KANK1: variants seen among roughly 807,000 people sequenced by gnomAD.
KANK1 encodes the protein KN motif and ankyrin repeat domains 1.
KANK1 carries 109 observed loss-of-function variants against 106.2 expected under a neutral mutation model. The ratio of observed to expected loss-of-function variants is 1.03; its 90% CI spans 0.88 to 1.20. KANK1 has a LOEUF of 1.20. Ranked by LOEUF, KANK1 falls within the 50% of genes most tolerant of loss-of-function variation. The pLI, the probability that KANK1 is intolerant of heterozygous loss-of-function variation, is 0.00. For synonymous variants in KANK1, 873 were observed against 652.2 expected (o/e 1.34, Z -5.16); for missense variants, 2,399 against 1,710.7 (o/e 1.40, Z -7.10).
chr9:560,539 A>G (rs1310897288), intron 1 of KANK1, among the ~76,000 whole-genome samples: 1 of 152,222 alleles, frequency 6.6e-6, no homozygotes, highest in Non-Finnish European at 1.5e-5. Flanking sequence ...CAGGAGCGAA[A>G]TGTCTTTGAA....
At chr9:715,108 T>C (rs1428269402) in intron 3 of KANK1, among the ~76,000 whole-genome samples, 6 of 152,340 alleles carry the variant, frequency 3.9e-5, no homozygotes, top group Admixed American at 3.9e-4. Flanking sequence ...TTGTTAGTTT[T>C]CAGTATCTGT....
At chr9:631,914 G>A (rs1835841021) in intron 1 of KANK1, among the ~76,000 whole-genome samples, 1 of 152,120 alleles carries the variant, frequency 6.6e-6, no homozygotes, top group Admixed American at 6.5e-5. Context: ...ATCTACCGCT[G>A]TGGCTCTATA....
rs531743772 is a variant in KANK1 at position 603,930 on chromosome 9, G to C, written c.-83-72960G>C. Among the ~76,000 whole-genome samples, 71 of 141,984 alleles carry C rather than the reference G, an allele frequency of 5.0e-4. 1 individual carries two copies. In the East Asian group the frequency reaches 0.014, roughly 27 times the overall value. 93.1% of individuals were successfully genotyped at this position (141,984 alleles called of 152,430 possible). ...GCCAAGATCACGTCACTGTATTCCA[G>C]CTTGGGTGACAGAGCAAGACTCTGT... is the stretch of plus-strand genomic sequence containing the variant. On this transcript the variant is annotated intron_variant, in intron 1 of 11. Coordinates refer to ENST00000382297, the MANE Select transcript of KANK1 (RefSeq NM_015158.5).
In KANK1 at chr9:506,547, T is replaced by TGC. The variant is rs1332906409; in HGVS notation, c.-84+1795_-84+1796dup. ...TTCTGGGTGTGTGTGTGTGTGTGTG[T>TGC]GCGTGTGCGTGCGCGCTCGGCAGGG... On this transcript the variant is annotated intron_variant, in intron 1 of 11. Coordinates refer to ENST00000382297, the MANE Select transcript of KANK1 (RefSeq NM_015158.5). 2.7e-4 allele frequency among the ~76,000 whole-genome samples: 41 copies of TGC among 152,026 alleles called. No individual in the cohort carries two copies. The Middle Eastern group carries it at 0.014, about 50-fold the overall frequency.
At chr9:729,868 G>A (rs758872028) in intron 3 of KANK1, among the ~76,000 whole-genome samples, 183 bp from the exon 4 acceptor site, 1 of 152,178 alleles carries the variant, frequency 6.6e-6, no homozygotes, top group African/African-American at 2.4e-5. Context: ...TTAGAATGAC[G>A]AGGCCCGGCA....
At chr9:647,585 A>C (rs1040817880) in intron 1 of KANK1, among the ~76,000 whole-genome samples, 2 of 150,652 alleles carry the variant, frequency 1.3e-5, no homozygotes, top group African/African-American at 5.0e-5. Context: ...CTTTGCCTTA[A>C]GGGGAGTGGT....
At chr9:488,697 G>A (rs2058332518) in intron 3 of KANK1, among the ~76,000 whole-genome samples, 1 of 152,196 alleles carries the variant, frequency 6.6e-6, no homozygotes, top group Admixed American at 6.5e-5. Flanking sequence ...AGAGTCAAGT[G>A]TCAATAATGA....
intron 3 of KANK1, among the ~76,000 whole-genome samples, chr9:721,548 T>C (rs187402091): frequency 3.3e-5 from 5 of 152,310 alleles, no homozygotes; most frequent in Admixed American, 3.3e-4. Context: ...TTGGTAGAAA[T>C]AGAAAACCAG....
intron 1 of KANK1, among the ~76,000 whole-genome samples, chr9:617,415 C>G (rs758378403): frequency 6.6e-6 from 1 of 152,128 alleles, no homozygotes; most frequent in Admixed American, 6.6e-5. Flanking sequence ...CTTATTTTCT[C>G]AAAAATGTTA....
intron 8 of KANK1, among the ~76,000 whole-genome samples, 163 bp from the exon 9 acceptor site, chr9:740,629 A>G (rs1835177011): frequency 6.6e-6 from 1 of 152,186 alleles, no homozygotes; most frequent in Non-Finnish European, 1.5e-5. Flanking sequence ...TTGGTTTAGT[A>G]TGAAAACATC....
Position 712,668 on chromosome 9 carries a change from T to G in KANK1, c.1902T>G (p.Ser634=). Residue 634 remains serine, a synonymous_variant, in exon 3 of 12, where the codon TCT becomes TCG. Coordinates refer to ENST00000382297, the MANE Select transcript of KANK1 (RefSeq NM_015158.5). The part of the protein sequence containing the change: ...EVRSIGCGDC[S]VDVTVCSPKE... ...GGTCTATCGGTTGTGGAGATTGTTC[T>G]GTTGACGTGACCGTCTGCTCTCCAA... The G allele has an allele frequency of 1.9e-6, 3 of 1,614,180 alleles. No homozygotes were observed. Among genetic ancestry groups the G allele is most frequent in the Non-Finnish European group, 2.5e-6 (3 of 1,180,028 alleles).
At chr9:623,743 A>G (rs1247315873) in intron 1 of KANK1, among the ~76,000 whole-genome samples, 3 of 152,218 alleles carry the variant, frequency 2.0e-5, no homozygotes, top group African/African-American at 7.2e-5. Flanking sequence ...ACAAAATATA[A>G]CAAGTTTTGA....
At chr9:698,383 G>A (rs144442357) in intron 2 of KANK1, among the ~76,000 whole-genome samples, 13 of 152,184 alleles carry the variant, frequency 8.5e-5, no homozygotes, top group African/African-American at 2.4e-4. Flanking sequence ...TGCCATATCC[G>A]TCCTTCCCAG....
intron 1 of KANK1, among the ~76,000 whole-genome samples, chr9:592,390 C>G (rs537221373): frequency 6.6e-6 from 1 of 151,988 alleles, no homozygotes; most frequent in East Asian, 1.9e-4. Context: ...GACTCAAAGA[C>G]TTTGTCATTA....
intron 1 of KANK1, among the ~76,000 whole-genome samples, chr9:635,419 CA>C (rs1836854085): frequency 6.6e-6 from 1 of 152,184 alleles, no homozygotes; most frequent in African/African-American, 2.4e-5. Flanking sequence ...TCTATTCCTT[CA>C]TGTGCTTCGT....
intron 1 of KANK1, among the ~76,000 whole-genome samples, chr9:512,348 G>A (rs1445706984): frequency 6.6e-6 from 1 of 152,140 alleles, no homozygotes; most frequent in East Asian, 1.9e-4. Context: ...GCCAACAGAT[G>A]GAGACAAGGA....
At chr9:607,136 G>T (rs144324920) in intron 1 of KANK1, among the ~76,000 whole-genome samples, 1 of 151,880 alleles carries the variant, frequency 6.6e-6, no homozygotes, top group Non-Finnish European at 1.5e-5. Context: ...TTGCATGCTT[G>T]TTAGGTCATT....
At chr9:661,132 C>A (rs80201242) in intron 1 of KANK1, among the ~76,000 whole-genome samples, 30,990 of 150,178 alleles carry the variant, frequency 0.21, 5,016 homozygotes, top group East Asian at 0.55. Context: ...TGTATTTAAA[C>A]CCCTTTTTTA....
intron 1 of KANK1, among the ~76,000 whole-genome samples, chr9:531,123 CAG>C (rs1171888285): frequency 1.3e-5 from 2 of 151,720 alleles, no homozygotes; most frequent in Admixed American, 6.6e-5. Context: ...GAGGGGGAAA[CAG>C]ATGCTAAAAC....
Sources: allele counts gnomAD v4.1 joint callset (sites outside exome capture counted in the v4.1 genomes callset), GRCh38; gene constraint gnomAD v4.1.1; transcripts MANE v1.5; gene names NCBI Gene and HGNC (gene_info 2026-07-23, HGNC 2026-07-21).